GALNT10: variants seen among roughly 807,000 people sequenced by gnomAD.
The protein encoded by GALNT10 is polypeptide N-acetylgalactosaminyltransferase 10.
GALNT10 carries 41 observed loss-of-function variants against 75.0 expected under a neutral mutation model. The observed-to-expected ratio is 0.55, with a 90% CI of 0.43 to 0.71. The LOEUF is 0.71. Ranked by LOEUF, GALNT10 falls within the 30% of genes least tolerant of loss-of-function variation. The pLI is 0.00. For missense variants in GALNT10, 727 were observed against 818.5 expected, an observed-to-expected ratio of 0.89 and a Z score of 1.36; for synonymous variants, 302 against 313.0, an observed-to-expected ratio of 0.96 and a Z score of 0.37.
chr5:154,202,581 G>T (rs771136999), intron 1 of GALNT10, among the ~76,000 whole-genome samples: 13 of 152,148 alleles, frequency 8.5e-5, no homozygotes, highest in Non-Finnish European at 1.3e-4. Context: ...CAAGTGGTGG[G>T]ACTCAAACTC....
chr5:154,338,516 A>AT (rs562515055), intron 4 of GALNT10: 1,602 of 197,930 alleles, frequency 8.1e-3, no homozygotes, highest in South Asian at 0.016. Flanking sequence ...GAAAGCTACA[A>AT]TTTTTTTTTT....
At chr5:154,208,487 T>G (rs962630975) in intron 1 of GALNT10, among the ~76,000 whole-genome samples, 4 of 151,652 alleles carry the variant, frequency 2.6e-5, no homozygotes, top group Non-Finnish European at 5.9e-5. Context: ...ATTTTCTCTC[T>G]CTCATTTCTT....
Position 154,358,074 on chromosome 5 carries a change from T to G in GALNT10, c.569-18203T>G, listed in dbSNP as rs1218407028. ...AAAACATCAGTGAGGTATTGGTACC[T>G]CTACCCGGCAGTTCACATTTCTGAA... is the stretch of plus-strand genomic sequence containing the variant. On this transcript the variant is annotated intron_variant, in intron 4 of 11. Coordinates refer to ENST00000297107, the MANE Select transcript of GALNT10 (RefSeq NM_198321.4). 2.0e-5 allele frequency among the ~76,000 whole-genome samples: 3 copies of G among 152,208 alleles called. No individual in the cohort carries two copies. The East Asian group carries it at 5.8e-4, about 29-fold the overall frequency.
intron 1 of GALNT10, among the ~76,000 whole-genome samples, chr5:154,200,445 G>A (rs2113641581): frequency 6.6e-6 from 1 of 152,310 alleles, no homozygotes; most frequent in East Asian, 1.9e-4. Flanking sequence ...CATCTGGCAG[G>A]GGTGTGTGTG....
At chr5:154,344,151 T>G (rs926071403) in intron 4 of GALNT10, among the ~76,000 whole-genome samples, 2 of 152,146 alleles carry the variant, frequency 1.3e-5, no homozygotes, top group African/African-American at 4.8e-5. Context: ...AGACCCTGTT[T>G]GTATCCCAGT....
At chr5:154,247,719 C>T (rs557004824) in intron 1 of GALNT10, among the ~76,000 whole-genome samples, 3 of 152,144 alleles carry the variant, frequency 2.0e-5, no homozygotes, top group Non-Finnish European at 4.4e-5. Flanking sequence ...TGGGCTGAGA[C>T]GATGGGGTTT....
chr5:154,328,870 AG>A (rs1371973283), intron 3 of GALNT10, among the ~76,000 whole-genome samples: 1 of 152,224 alleles, frequency 6.6e-6, no homozygotes, highest in African/African-American at 2.4e-5. Flanking sequence ...TGCATAGGGC[AG>A]GGTCTGTGGG....
In GALNT10 at chr5:154,195,856, T is replaced by G. The variant is rs541853225; in HGVS notation, c.159+4831T>G. Reference sequence around the variant, plus strand: ...GAGACCAATTATCTGCTGGAACCTATCTGGCTATTTTTTTGTAGATCTATT... The same window carrying G: ...GAGACCAATTATCTGCTGGAACCTAGCTGGCTATTTTTTTGTAGATCTATT... On this transcript the variant is annotated intron_variant, in intron 1 of 11. Coordinates refer to ENST00000297107, the MANE Select transcript of GALNT10 (RefSeq NM_198321.4). Among the ~76,000 whole-genome samples, 9 of 152,348 alleles carry G rather than the reference T, an allele frequency of 5.9e-5. No homozygotes were observed. The East Asian group carries it at 1.5e-3, about 26-fold the overall frequency.
chr5:154,297,552 T>G (rs1406176856), intron 2 of GALNT10, among the ~76,000 whole-genome samples: 1 of 152,206 alleles, frequency 6.6e-6, no homozygotes, highest in Non-Finnish European at 1.5e-5. Context: ...ATTGATCAGC[T>G]CACAGATGGT....
At position 154,416,735 on chromosome 5, in the gene GALNT10, C is replaced by A; in HGVS notation, c.1654-79C>A. On this transcript the variant is annotated intron_variant, in intron 11 of 11. Transcript: ENST00000297107. The surrounding 1 kb of genome is among the most constrained non-coding windows in gnomAD (Gnocchi z 4.5). ...TCAGTCAGTCACTTCCTCACTTTCT[C>A]ATTGCTGGTATTGTTGCTGTGGTTT... is the stretch of plus-strand genomic sequence containing the variant. 9.9e-7 allele frequency: 1 copy of A among 1,014,474 alleles called. No individual in the cohort carries two copies. Among genetic ancestry groups the A allele is most frequent in the South Asian group, 1.4e-5 (1 of 73,104 alleles). 62.8% of individuals were successfully genotyped at this position (1,014,474 alleles called of 1,614,324 possible).
intron 3 of GALNT10, among the ~76,000 whole-genome samples, chr5:154,299,745 G>T (rs7710616): frequency 0.44 from 67,389 of 152,030 alleles, 15,728 homozygotes; most frequent in African/African-American, 0.55. Flanking sequence ...AAAGATGCCT[G>T]ACAGCGAGGG....
chr5:154,240,776 A>T (rs939269001), intron 1 of GALNT10, among the ~76,000 whole-genome samples: 1 of 152,222 alleles, frequency 6.6e-6, no homozygotes, highest in African/African-American at 2.4e-5. Flanking sequence ...CCAGGTACAC[A>T]AAACCAATGA....
At chr5:154,256,933 T>C (rs1753623630) in intron 1 of GALNT10, among the ~76,000 whole-genome samples, 1 of 152,048 alleles carries the variant, frequency 6.6e-6, no homozygotes, top group Non-Finnish European at 1.5e-5. Context: ...CTCTTTGGTT[T>C]TCATACCAAA....
intron 3 of GALNT10, among the ~76,000 whole-genome samples, chr5:154,309,522 G>A (rs549836965): frequency 6.6e-6 from 1 of 152,322 alleles, no homozygotes; most frequent in South Asian, 2.1e-4. Context: ...GCAAGGCAGG[G>A]GAGCGTGAGA....
chr5:154,333,008 G>A (rs1754891169), intron 4 of GALNT10, among the ~76,000 whole-genome samples: 1 of 152,194 alleles, frequency 6.6e-6, no homozygotes. Context: ...CTAGGCCCGT[G>A]ACTTTGTGCC....
At position 154,229,203 on chromosome 5, in the gene GALNT10, A is replaced by G. The variant is rs541693785; in HGVS notation, c.159+38178A>G. Among the ~76,000 whole-genome samples, 65 of 152,282 alleles carry G rather than the reference A, an allele frequency of 4.3e-4. 1 individual carries two copies. The South Asian group carries it at 0.012, about 27-fold the overall frequency. On this transcript the variant is annotated intron_variant, in intron 1 of 11. Transcript: ENST00000297107. ...TTGGTCGTCTGTACATTGTGGTATT[A>G]TCACCACCTAATGAACTCCTGGGCT...
chr5:154,391,174 C>T (rs376385490), intron 7 of GALNT10, among the ~76,000 whole-genome samples: 2 of 152,302 alleles, frequency 1.3e-5, no homozygotes, highest in African/African-American at 2.4e-5. Flanking sequence ...TCCCTGGCAG[C>T]GCCCTGCTGG....
intron 4 of GALNT10, among the ~76,000 whole-genome samples, chr5:154,339,165 A>G (rs1754990085): frequency 6.6e-6 from 1 of 152,204 alleles, no homozygotes; most frequent in African/African-American, 2.4e-5. Flanking sequence ...ACCTACCCTC[A>G]TAATCATCTC....
At chr5:154,384,255 G>A (rs1256674980) in intron 6 of GALNT10, among the ~76,000 whole-genome samples, 1 of 152,154 alleles carries the variant, frequency 6.6e-6, no homozygotes, top group Non-Finnish European at 1.5e-5. Context: ...AGGAAGTATA[G>A]CTATCACTCC....
Sources: gnomAD v4.1 joint callset for allele counts (sites outside exome capture counted in the v4.1 genomes callset) on GRCh38, gnomAD v4.1.1 for gene constraint, Gnocchi (gnomAD v3.1) non-coding constraint, MANE v1.5 for transcripts, NCBI Gene and HGNC (gene_info 2026-07-23, HGNC 2026-07-21) for gene names.